UBE3D: variants seen among roughly 807,000 people sequenced by gnomAD.
UBE3D encodes E3 ubiquitin-protein ligase E3D.
Under a neutral mutation model 49.6 loss-of-function variants are expected in UBE3D, and 48 were observed. That is an observed-to-expected ratio of 0.97 (90% CI 0.77 to 1.23). UBE3D has a LOEUF of 1.23. UBE3D is among the 50% of genes most tolerant of loss of function. UBE3D has a pLI of 0.00. For synonymous variants in UBE3D, 189 were observed against 174.2 expected (o/e 1.08, Z -0.67); for missense variants, 452 against 468.4 (o/e 0.96, Z 0.32).
intron 7 of UBE3D, among the ~76,000 whole-genome samples, chr6:83,021,256 C>T (rs1781067807): frequency 6.6e-6 from 1 of 152,028 alleles, no homozygotes; most frequent in South Asian, 2.1e-4. Context: ...ACCTGGGCAA[C>T]ATAGCAAGAC....
intron 8 of UBE3D, among the ~76,000 whole-genome samples, chr6:82,959,131 G>A (rs1776367113): frequency 6.6e-6 from 1 of 151,698 alleles, no homozygotes; most frequent in East Asian, 1.9e-4. Context: ...CTGCATGCAG[G>A]AAAAGACAAA....
chr6:83,044,439 G>C lies in UBE3D; in HGVS notation c.586C>G (p.His196Asp). The C allele has an allele frequency of 6.2e-7, 1 of 1,613,900 alleles. No homozygotes were observed. Among genetic ancestry groups the C allele is most frequent in the South Asian group, 1.1e-5 (1 of 91,054 alleles). ...AAATGATATTTTACCAATTTACAATGGTTGTCAGAAGAAACACAGCACATC... is the reference window on the plus strand; with the variant it reads ...AAATGATATTTTACCAATTTACAATCGTTGTCAGAAGAAACACAGCACATC... ...VEMCCVSSDN[H>D]CKLEPKANTK... Residue 196 changes from histidine (H) to aspartate (D), a missense_variant, in exon 4 of 10, where the codon CAT becomes GAT. Transcript: ENST00000369747.
intron 8 of UBE3D, among the ~76,000 whole-genome samples, chr6:83,015,347 A>G (rs1236105596): frequency 2.0e-5 from 3 of 152,150 alleles, no homozygotes; most frequent in Non-Finnish European, 4.4e-5. Flanking sequence ...ACATTAAACC[A>G]AGAGAGATCA....
intron 9 of UBE3D, among the ~76,000 whole-genome samples, chr6:82,922,605 A>G (rs293500): frequency 0.86 from 130,181 of 151,562 alleles, 56,052 homozygotes; most frequent in East Asian, 0.94. Flanking sequence ...AGACTTAAAC[A>G]TAAGACCTAG....
At chr6:83,057,737 T>C in intron 2 of UBE3D, 89 bp downstream of exon 2, 1 of 1,366,600 alleles carries the variant, frequency 7.3e-7, no homozygotes, top group Non-Finnish European at 1.0e-6. Flanking sequence ...CCCCTTCACC[T>C]GGGAAAAGTT....
intron 6 of UBE3D, 103 bp from the exon 7 acceptor site, chr6:83,022,664 C>T (rs1781189489): frequency 1.5e-6 from 1 of 685,780 alleles, no homozygotes; most frequent in African/African-American, 1.9e-5. Context: ...GCAGACATAT[C>T]CACATGCCAG....
At chr6:82,966,221 G>GAA (rs1318755217) in intron 8 of UBE3D, among the ~76,000 whole-genome samples, 4 of 152,126 alleles carry the variant, frequency 2.6e-5, no homozygotes, top group Non-Finnish European at 5.9e-5. Flanking sequence ...CATAAAGACA[G>GAA]AAAGCAGATT....
intron 8 of UBE3D, among the ~76,000 whole-genome samples, chr6:82,968,598 T>C (rs1396008904): frequency 2.0e-5 from 3 of 152,172 alleles, no homozygotes; most frequent in East Asian, 1.9e-4. Flanking sequence ...TTGAGGTGTA[T>C]ATGCATTTTT....
At chr6:82,884,897 T>C in the UBE3D span, among the ~76,000 whole-genome samples, 3 of 152,172 alleles carry the variant, frequency 2.0e-5, no homozygotes, top group African/African-American at 7.2e-5. Flanking sequence ...AAAAAGTAAA[T>C]TGAACTTTAG....
chr6:83,029,943 C>T (rs759237800), intron 5 of UBE3D, among the ~76,000 whole-genome samples: 51 of 152,228 alleles, frequency 3.4e-4, no homozygotes, highest in Non-Finnish European at 6.5e-4. Context: ...AGGCTTCTTA[C>T]GAAAATTACC....
At chr6:82,979,572 T>A (rs1777968171) in intron 8 of UBE3D, among the ~76,000 whole-genome samples, 1 of 152,192 alleles carries the variant, frequency 6.6e-6, no homozygotes, top group Non-Finnish European at 1.5e-5. Flanking sequence ...AAGCTAAACA[T>A]TCCCCAAGTT....
At chr6:83,054,586 T>C (rs907301297) in intron 2 of UBE3D, among the ~76,000 whole-genome samples, 4 of 152,184 alleles carry the variant, frequency 2.6e-5, no homozygotes, top group Admixed American at 2.6e-4. Context: ...CATTCTCAGC[T>C]TCCCTCTGCT....
At chr6:83,023,869 TA>T (rs1483382906) in intron 6 of UBE3D, 99 bp downstream of exon 6, 5 of 763,048 alleles carry the variant, frequency 6.6e-6, no homozygotes, top group Non-Finnish European at 1.0e-5. Context: ...AAAAACCTAT[TA>T]AAATAAAAAA....
chr6:82,906,707 C>T (rs971140015), intron 9 of UBE3D, among the ~76,000 whole-genome samples: 2 of 152,158 alleles, frequency 1.3e-5, no homozygotes, highest in African/African-American at 2.4e-5. Context: ...ATAAGACAAG[C>T]CACTCCCCTT....
intron 7 of UBE3D, among the ~76,000 whole-genome samples, chr6:83,020,796 C>T (rs1350078926): frequency 1.3e-5 from 2 of 152,186 alleles, no homozygotes; most frequent in African/African-American, 4.8e-5. Context: ...TCAGGCCCTT[C>T]CCTCCTTTTT....
chr6:82,999,472 C>T (rs1779471979), intron 8 of UBE3D, among the ~76,000 whole-genome samples: 1 of 152,166 alleles, frequency 6.6e-6, no homozygotes, highest in Admixed American at 6.5e-5. Context: ...GCAACCTCTG[C>T]CTCTTGGGTT....
Position 83,024,176 on chromosome 6 carries a change from A to G in UBE3D, c.668-138T>C, listed in dbSNP as rs911992057. 16 of 480,318 alleles carry G rather than the reference A, an allele frequency of 3.3e-5. No homozygotes were observed. The Middle Eastern group carries it at 1.4e-3, about 42-fold the overall frequency. The allele number at this position is 480,318 out of a possible 1,614,324, so 29.8% of individuals were successfully genotyped here. A position where few individuals can be genotyped will look rare whatever the true frequency, so the allele number is the denominator to read the frequency against. ...ATTAATATTCTGTAAACATTTTCCC[A>G]AAACTACTTAGTTTCAGAAGACAAA... On this transcript the variant is annotated intron_variant, in intron 5 of 9. Coordinates refer to ENST00000369747, the MANE Select transcript of UBE3D (RefSeq NM_198920.3).
chr6:83,022,877 C>T (rs1781204436), intron 6 of UBE3D, among the ~76,000 whole-genome samples: 1 of 152,152 alleles, frequency 6.6e-6, no homozygotes, highest in South Asian at 2.1e-4. Flanking sequence ...TGTGCTGTAG[C>T]ATATTAAACA....
At chr6:82,898,627 T>C (rs1304294710) in intron 9 of UBE3D, among the ~76,000 whole-genome samples, 1 of 148,760 alleles carries the variant, frequency 6.7e-6, no homozygotes, top group Non-Finnish European at 1.5e-5. Flanking sequence ...AGCTGAACAA[T>C]GAGAACACAT....
Sources: allele counts gnomAD v4.1 joint callset (sites outside exome capture counted in the v4.1 genomes callset), GRCh38; gene constraint gnomAD v4.1.1; transcripts MANE v1.5; gene names NCBI Gene and HGNC (gene_info 2026-07-23, HGNC 2026-07-21).